RAB38: variants seen among roughly 807,000 people sequenced by gnomAD.
RAB38 encodes RAB38, member RAS oncogene family.
In RAB38, 15 loss-of-function variants were observed where a neutral mutation model predicts 18.4. The observed-to-expected ratio is 0.82, with a 90% CI of 0.55 to 1.26. RAB38 has a LOEUF of 1.26. RAB38 is among the 50% of genes most tolerant of loss of function. The pLI, the probability that RAB38 is intolerant of heterozygous loss-of-function variation, is 0.00. For missense variants in RAB38, 294 were observed against 267.4 expected, an observed-to-expected ratio of 1.10 and a Z score of -0.69; for synonymous variants, 101 against 104.4, an observed-to-expected ratio of 0.97 and a Z score of 0.20.
chr11:87,819,711 TATATAC>T, the RAB38 span, among the ~76,000 whole-genome samples: 1 of 2,802 alleles, frequency 3.6e-4, no homozygotes, highest in African/African-American at 8.1e-4. Flanking sequence ...TGTATATATA[TATATAC>T]GTGTATGTAT....
At chr11:88,004,493 C>G in the RAB38 span, among the ~76,000 whole-genome samples, 1 of 151,300 alleles carries the variant, frequency 6.6e-6, no homozygotes, top group East Asian at 1.9e-4. Flanking sequence ...TAAAGGACAA[C>G]TATGAAAAAC....
the RAB38 span, among the ~76,000 whole-genome samples, chr11:87,840,411 C>T: frequency 6.6e-6 from 1 of 152,078 alleles, no homozygotes. Context: ...TGAAAGTTGG[C>T]GATTGGATTT....
At chr11:88,018,870 G>A in the RAB38 span, among the ~76,000 whole-genome samples, 1 of 152,082 alleles carries the variant, frequency 6.6e-6, no homozygotes, top group African/African-American at 2.4e-5. Context: ...TGAATCTGAA[G>A]ATGAGGAACC....
At chr11:88,116,133 G>A (rs1204810470) in intron 2 of RAB38, among the ~76,000 whole-genome samples, 1 of 152,118 alleles carries the variant, frequency 6.6e-6, no homozygotes, top group Non-Finnish European at 1.5e-5. Flanking sequence ...CTGCTCCCAG[G>A]CAACCAACTG....
chr11:87,810,047 C>T, the RAB38 span, among the ~76,000 whole-genome samples: 1 of 152,042 alleles, frequency 6.6e-6, no homozygotes, highest in Middle Eastern at 3.2e-3. Context: ...CTAAGGGAAA[C>T]ATTTTTCCAA....
chr11:87,881,352 A>G, the RAB38 span, among the ~76,000 whole-genome samples: 4 of 151,854 alleles, frequency 2.6e-5, no homozygotes, highest in Non-Finnish European at 5.9e-5. Context: ...TAGGGTATTG[A>G]ATGCCTATCC....
chr11:88,116,017 CCT>C (rs1302118526), intron 2 of RAB38, among the ~76,000 whole-genome samples: 1 of 152,194 alleles, frequency 6.6e-6, no homozygotes, highest in Non-Finnish European at 1.5e-5. Context: ...TGCCCCATCC[CCT>C]GTTGGGCAAC....
the RAB38 span, among the ~76,000 whole-genome samples, chr11:87,874,661 T>A: frequency 6.7e-6 from 1 of 149,214 alleles, no homozygotes; most frequent in Non-Finnish European, 1.5e-5. Context: ...AATATATATA[T>A]AAAATAATAA....
the RAB38 span, among the ~76,000 whole-genome samples, chr11:87,949,888 T>G: frequency 2.0e-5 from 3 of 152,206 alleles, no homozygotes; most frequent in African/African-American, 7.2e-5. Context: ...TGGAGAGTTC[T>G]GTAGATGTCT....
At position 88,113,254 on chromosome 11, in the gene RAB38, G is replaced by A. The variant is rs184963426; in HGVS notation, c.*734C>T. ...AAACTTAAAGCACTTTCATAAATAGGGAAACAGCATCTTTTAATGTTTTAT... is the reference window on the plus strand; with the variant it reads ...AAACTTAAAGCACTTTCATAAATAGAGAAACAGCATCTTTTAATGTTTTAT... On this transcript the variant is annotated 3_prime_UTR_variant, in exon 3 of 3. Coordinates refer to ENST00000243662, the MANE Select transcript of RAB38 (RefSeq NM_022337.3). 1.3e-3 allele frequency: 202 copies of A among 151,710 alleles called. 2 individuals are homozygous for A. The highest frequency in any genetic ancestry group is 1.5e-3 in the South Asian group (7 of 4,798). 9.4% of individuals were successfully genotyped at this position (151,710 alleles called of 1,614,324 possible). A position where few individuals can be genotyped will look rare whatever the true frequency, so the allele number is the denominator to read the frequency against.
chr11:87,874,383 A>G, the RAB38 span, among the ~76,000 whole-genome samples: 1 of 151,554 alleles, frequency 6.6e-6, no homozygotes, highest in African/African-American at 2.4e-5. Context: ...GAAACAATTC[A>G]GTATCAAGAA....
At position 88,175,408 on chromosome 11, in the gene RAB38, G is replaced by A. The variant is rs1162595261; in HGVS notation, c.-24C>T. ...ATCCTGGCGGCCGGCCAGACGTGCC[G>A]TGCCTGACCAGGGAAGCGCAGCCTG... is the stretch of plus-strand genomic sequence containing the variant. On this transcript the variant is annotated 5_prime_UTR_variant, in exon 1 of 3. It adds an upstream start codon to the 5' untranslated region. Transcript: ENST00000243662. 8 of 1,613,252 alleles carry A rather than the reference G, an allele frequency of 5.0e-6. No individual in the cohort carries two copies. Among genetic ancestry groups the A allele is most frequent in the African/African-American group, 2.7e-5 (2 of 74,920 alleles).
At chr11:87,823,795 A>G in the RAB38 span, among the ~76,000 whole-genome samples, 3 of 152,284 alleles carry the variant, frequency 2.0e-5, no homozygotes, top group South Asian at 2.1e-4. Flanking sequence ...TGTTCATACA[A>G]TGGAATACTA....
chr11:87,893,371 C>CATAT, the RAB38 span, among the ~76,000 whole-genome samples: 5 of 86,446 alleles, frequency 5.8e-5, 1 homozygote, highest in Admixed American at 3.2e-4. Context: ...ATATATTTTA[C>CATAT]ATATATATAT....
At chr11:88,118,319 G>A (rs1942584503) in intron 2 of RAB38, among the ~76,000 whole-genome samples, 1 of 152,202 alleles carries the variant, frequency 6.6e-6, no homozygotes, top group Admixed American at 6.5e-5. Flanking sequence ...TGGCCAAAGG[G>A]CCTAGGCTAG....
At chr11:88,009,521 C>G in the RAB38 span, among the ~76,000 whole-genome samples, 1 of 152,232 alleles carries the variant, frequency 6.6e-6, no homozygotes, top group South Asian at 2.1e-4. Flanking sequence ...AAGGCATAGA[C>G]AGAAACCACT....
At chr11:87,867,656 T>C in the RAB38 span, among the ~76,000 whole-genome samples, 1 of 151,706 alleles carries the variant, frequency 6.6e-6, no homozygotes, top group African/African-American at 2.4e-5. Context: ...TAATTGAAAG[T>C]CTGAAATTGA....
the RAB38 span, among the ~76,000 whole-genome samples, chr11:88,048,139 A>C: frequency 6.6e-6 from 1 of 151,934 alleles, no homozygotes; most frequent in African/African-American, 2.4e-5. Context: ...ATTTGCCCCC[A>C]CCCAGGACTG....
chr11:88,046,724 T>C, the RAB38 span, among the ~76,000 whole-genome samples: 2 of 152,218 alleles, frequency 1.3e-5, no homozygotes, highest in Middle Eastern at 3.2e-3. Context: ...TTCCTAGGCA[T>C]GGTTGGATAC....
Sources: allele counts gnomAD v4.1 joint callset (sites outside exome capture counted in the v4.1 genomes callset), GRCh38; gene constraint gnomAD v4.1.1; transcripts MANE v1.5; gene names NCBI Gene and HGNC (gene_info 2026-07-23, HGNC 2026-07-21).